Variants in PSMA7 observed in about 807,000 individuals in gnomAD.
The protein encoded by PSMA7 is proteasome subunit alpha type-7.
PSMA7 carries 5 observed loss-of-function variants against 31.3 expected under a neutral mutation model. The observed-to-expected ratio is 0.16, with a 90% CI of 0.08 to 0.34. The LOEUF is 0.34. Ranked by LOEUF, PSMA7 falls within the 10% of genes least tolerant of loss-of-function variation. PSMA7 has a pLI of 1.00. For synonymous variants in PSMA7, 155 were observed against 121.9 expected (o/e 1.27, Z -1.79); for missense variants, 217 against 327.5 (o/e 0.66, Z 2.60).
chr20:62,138,552 T>A (rs1317309728), intron 4 of PSMA7, among the ~76,000 whole-genome samples: 3 of 72,014 alleles, frequency 4.2e-5, no homozygotes, highest in South Asian at 6.4e-4. Flanking sequence ...AATGGGAGAT[T>A]TTTTTTTTTT....
At position 62,140,890 on chromosome 20, in the gene PSMA7, C is replaced by G. The variant is rs2056923654; in HGVS notation, c.151G>C (p.Ala51Pro). ...VVLGVEKKSV[A>P]KLQDERTVRK... ...ACTGTTCTTTCATCCTGCAGTTTGG[C>G]CACTGACTTCTTCTCCACACCAAGA... The change falls in exon 2 of 7, where the codon GCC becomes CCC. Residue 51 changes from alanine (A) to proline (P), a missense_variant. Around this residue, in one of 3 missense-constraint regions of PSMA7, gnomAD observed 76 missense variants for 96.5 expected, o/e 0.79. Coordinates refer to ENST00000370873, the MANE Select transcript of PSMA7 (RefSeq NM_002792.4). 6.2e-7 allele frequency: 1 copy of G among 1,614,078 alleles called. No individual in the cohort carries two copies. The highest frequency in any genetic ancestry group is 1.3e-5 in the African/African-American group (1 of 74,934).
At chr20:62,140,086 G>A (rs2056918543) in intron 2 of PSMA7, among the ~76,000 whole-genome samples, 181 bp from the exon 3 acceptor site, 1 of 152,190 alleles carries the variant, frequency 6.6e-6, no homozygotes, top group African/African-American at 2.4e-5. Flanking sequence ...GGGTACAGAT[G>A]CTTCTTGATG....
At chr20:62,139,254 A>G (rs1207503369) in intron 3 of PSMA7, 57 bp from the exon 4 acceptor site, 10 of 1,586,054 alleles carry the variant, frequency 6.3e-6, no homozygotes, top group South Asian at 3.4e-5. Context: ...ATGTGAGGAA[A>G]GAACCGTACT....
In PSMA7 at chr20:62,136,743, GGAA is replaced by G; in HGVS notation, c.*111_*113del. On this transcript the variant is annotated 3_prime_UTR_variant, in exon 7 of 7. Coordinates refer to ENST00000370873, the MANE Select transcript of PSMA7 (RefSeq NM_002792.4). ...AAAAAAAAAAACAGGTTAAAAATACGGAAGTTTATTGTAGGACACTCAGTGTGA... is the reference window on the plus strand; with the variant it reads ...AAAAAAAAAAACAGGTTAAAAATACGGTTTATTGTAGGACACTCAGTGTGA... 1 of 1,397,416 alleles carries G rather than the reference GGAA, an allele frequency of 7.2e-7. No homozygotes were observed. The highest frequency in any genetic ancestry group is 1.5e-5 in the South Asian group (1 of 68,544). The allele number at this position is 1,397,416 out of a possible 1,614,324, so 86.6% of individuals were successfully genotyped here. A position where few individuals can be genotyped will look rare whatever the true frequency, so the allele number is the denominator to read the frequency against.
chr20:62,140,246 G>A (rs533846259), intron 2 of PSMA7, among the ~76,000 whole-genome samples: 1 of 152,356 alleles, frequency 6.6e-6, no homozygotes, highest in Admixed American at 6.5e-5. Flanking sequence ...AACAGGGACT[G>A]TCTGCATATG....
chr20:62,139,089 A>G lies in PSMA7; in HGVS notation c.457T>C (p.Tyr153His), dbSNP rs1449491136. 1.2e-6 allele frequency: 2 copies of G among 1,614,060 alleles called. No homozygotes were observed. Among genetic ancestry groups the G allele is most frequent in the Non-Finnish European group, 1.7e-6 (2 of 1,179,936 alleles). Reference protein sequence around the residue: ...RLYQTDPSGTYHAWKANAIGR... With the variant: ...RLYQTDPSGTHHAWKANAIGR... The stretch of plus-strand genomic sequence containing the variant: ...CACGAACTCACCTTCCAGGCATGGT[A>G]TGTGCCCGAGGGGTCAGTCTGATAG... Residue 153 changes from tyrosine (Y) to histidine (H), a missense_variant, in exon 4 of 7, where the codon TAC becomes CAC. Physicochemically the swap from Tyr to His is moderately conservative, Grantham distance 83. Transcript: ENST00000370873.
chr20:62,141,150 T>C (rs879729898), intron 1 of PSMA7, among the ~76,000 whole-genome samples: 1 of 152,186 alleles, frequency 6.6e-6, no homozygotes, highest in Non-Finnish European at 1.5e-5. Context: ...AAGCCTGTAG[T>C]CCCAGCTACT....
chr20:62,136,988 G>A (rs1018622185), intron 6 of PSMA7, 39 bp from the exon 7 acceptor site: 1 of 1,587,472 alleles, frequency 6.3e-7, no homozygotes, highest in African/African-American at 1.4e-5. Context: ...AGCCACACAA[G>A]GTGCCAAGGA....
At chr20:62,138,056 T>A (rs1229439109) in intron 5 of PSMA7, 115 bp downstream of exon 5, 1 of 1,398,366 alleles carries the variant, frequency 7.2e-7, no homozygotes, top group African/African-American at 1.4e-5. Context: ...AACACAGCAG[T>A]CATTAAGCAT....
chr20:62,139,597 A>G, intron 3 of PSMA7, 184 bp downstream of exon 3: 1 of 967,988 alleles, frequency 1.0e-6, no homozygotes, highest in South Asian at 1.5e-5. Context: ...GGAACTGAGA[A>G]CAGAACAATG....
In PSMA7 at chr20:62,136,939, G is replaced by A. The variant is rs201324565; in HGVS notation, c.665C>T (p.Pro222Leu). 6.3e-7 allele frequency: 1 copy of A among 1,597,548 alleles called. No individual in the cohort carries two copies. The highest frequency in any genetic ancestry group is 8.5e-7 in the Non-Finnish European group (1 of 1,175,486). ...RRDQSLKILN[P>L]EEIEKYVAEI... ...AGCAACATACTTCTCAATTTCTTCAGGATTTAAAATCTATAGAAAAAAACT... is the reference window on the plus strand; with the variant it reads ...AGCAACATACTTCTCAATTTCTTCAAGATTTAAAATCTATAGAAAAAAACT... The change falls in exon 7 of 7, where the codon CCT (proline) becomes CTT (leucine). Residue 222 changes from proline (P) to leucine (L), a missense_variant. Physicochemically the swap from Pro to Leu is moderately conservative, Grantham distance 98. This residue lies in a region of PSMA7 where 88 missense variants were observed against 111.6 expected (regional missense o/e 0.79). Transcript: ENST00000370873.
At chr20:62,137,093 T>C in intron 6 of PSMA7, 144 bp from the exon 7 acceptor site, 1 of 1,176,138 alleles carries the variant, frequency 8.5e-7, no homozygotes, top group African/African-American at 1.6e-5. Context: ...AAGAGGATGC[T>C]GGCCTGACCT....
At chr20:62,137,722 G>T (rs73307256) in intron 5 of PSMA7, among the ~76,000 whole-genome samples, 1 of 152,120 alleles carries the variant, frequency 6.6e-6, no homozygotes, top group Non-Finnish European at 1.5e-5. Context: ...TGATGCCTAC[G>T]CTCCCGCCTG....
rs756730244 is a variant in PSMA7, at chr20:62,143,320, C to T, written c.-17G>A. On this transcript the variant is annotated 5_prime_UTR_variant, in exon 1 of 7. Transcript: ENST00000370873. The stretch of plus-strand genomic sequence containing the variant: ...GTAGCTCATGCCGGCGGGCGGCGGC[C>T]GGGCTCCTTCCGCCGCGACTCTCAA... 10 of 1,377,914 alleles carry T rather than the reference C, an allele frequency of 7.3e-6. No individual in the cohort carries two copies. The highest frequency in any genetic ancestry group is 2.7e-5 in the South Asian group (2 of 74,278). The allele number at this position is 1,377,914 out of a possible 1,614,324, so 85.4% of individuals were successfully genotyped here. A position where few individuals can be genotyped will look rare whatever the true frequency, so the allele number is the denominator to read the frequency against.
At chr20:62,137,509 G>T (rs775050892) in intron 5 of PSMA7, 83 bp from the exon 6 acceptor site, 6 of 1,327,590 alleles carry the variant, frequency 4.5e-6, no homozygotes, top group Non-Finnish European at 3.3e-6. Context: ...TTAAATAGGT[G>T]TGTACCCAAA....
chr20:62,140,834 G>A lies in PSMA7; in HGVS notation c.207C>T (p.Val69=), dbSNP rs765311622. The A allele has an allele frequency of 6.2e-7, 1 of 1,614,236 alleles. No homozygotes were observed. Among genetic ancestry groups the A allele is most frequent in the East Asian group, 2.2e-5 (1 of 44,894 alleles). The change falls in exon 2 of 7, where the codon GTC becomes GTT. Residue 69 remains valine (V), a synonymous_variant. Coordinates refer to ENST00000370873, the MANE Select transcript of PSMA7 (RefSeq NM_002792.4). ...VRKICALDDN[V]CMAFAGLTAD... ...GACTCATACCTGCAAAGGCCATGCAGACGTTGTCATCCAAAGCACAGATCT... is the reference window on the plus strand; with the variant it reads ...GACTCATACCTGCAAAGGCCATGCAAACGTTGTCATCCAAAGCACAGATCT...
intron 1 of PSMA7, 105 bp downstream of exon 1, chr20:62,143,103 C>G: frequency 1.6e-6 from 1 of 633,602 alleles, no homozygotes; most frequent in Non-Finnish European, 2.0e-6. Flanking sequence ...GCCCCGCGCA[C>G]GCCCGCGGGC....
In PSMA7 at chr20:62,138,191, C is replaced by G. The variant is rs1568725298; in HGVS notation, c.571G>C (p.Val191Leu). The G allele has an allele frequency of 6.2e-7, 1 of 1,614,230 alleles. No individual in the cohort carries two copies. ...IETDDLTIKL[V>L]IKALLEVVQS... The stretch of plus-strand genomic sequence containing the variant: ...CTTACTTCCAGGAGTGCCTTGATCA[C>G]CAGCTTAATGGTCAGATCATCTGTT... The change falls in exon 5 of 7, where the codon GTG becomes CTG. Residue 191 changes from valine to leucine, a missense_variant. Around this residue, in one of 3 missense-constraint regions of PSMA7, gnomAD observed 88 missense variants for 111.6 expected, o/e 0.79. Coordinates refer to ENST00000370873, the MANE Select transcript of PSMA7 (RefSeq NM_002792.4).
At chr20:62,139,469 G>A (rs6089664) in intron 3 of PSMA7, 469,274 of 632,888 alleles carry the variant, frequency 0.74, 181,992 homozygotes, top group East Asian at 0.81. Flanking sequence ...TACTAATGGC[G>A]TGTCCTCATA....
Sources: allele counts gnomAD v4.1 joint callset (sites outside exome capture counted in the v4.1 genomes callset), GRCh38; gene constraint gnomAD v4.1.1; regional missense constraint gnomAD v4.1.1; transcripts MANE v1.5; gene names NCBI Gene and HGNC (gene_info 2026-07-23, HGNC 2026-07-21).